The following THEMIS variants were observed in gnomAD, a reference collection of about 807,000 sequenced individuals.
THEMIS encodes protein THEMIS.
Under a neutral mutation model 52.6 loss-of-function variants are expected in THEMIS, and 37 were observed. That is an observed-to-expected ratio of 0.70 (90% confidence interval 0.54 to 0.93). The LOEUF (loss-of-function observed/expected upper bound fraction) is 0.93. Ranked by LOEUF, THEMIS falls within the 40% of genes least tolerant of loss-of-function variation. THEMIS has a pLI of 0.00. For synonymous variants in THEMIS, 292 were observed against 272.7 expected, an observed-to-expected ratio of 1.07 and a Z score of -0.70; for missense variants, 808 against 763.1, an observed-to-expected ratio of 1.06 and a Z score of -0.69.
At chr6:127,841,949 T>A (rs1265905469) in intron 2 of THEMIS, among the ~76,000 whole-genome samples, 1 of 152,022 alleles carries the variant, frequency 6.6e-6, no homozygotes, top group Non-Finnish European at 1.5e-5. Context: ...AAATAGCCCC[T>A]GATTCCTTGG....
intron 3 of THEMIS, among the ~76,000 whole-genome samples, chr6:127,828,044 T>G (rs1014302224): frequency 3.3e-5 from 5 of 152,124 alleles, no homozygotes; most frequent in African/African-American, 1.2e-4. Flanking sequence ...TTCTCCAACC[T>G]TGTTCCTTTC....
intron 4 of THEMIS, among the ~76,000 whole-genome samples, chr6:127,731,864 A>AATTTTTT: frequency 2.4e-5 from 1 of 41,704 alleles, no homozygotes; most frequent in Non-Finnish European, 3.8e-5. Context: ...TGCCCGGCTA[A>AATTTTTT]TTTTTTTTTT....
At chr6:127,842,543 C>T (rs1435573458) in intron 2 of THEMIS, among the ~76,000 whole-genome samples, 1 of 151,862 alleles carries the variant, frequency 6.6e-6, no homozygotes, top group Non-Finnish European at 1.5e-5. Flanking sequence ...AGTCTTACGG[C>T]TTAAGGGATA....
rs778212928 is a variant in THEMIS, at chr6:127,899,921, AT to A, written c.91+920del. Among the ~76,000 whole-genome samples, 85 of 144,202 alleles carry A rather than the reference AT, an allele frequency of 5.9e-4. No individual in the cohort carries two copies. The East Asian group carries it at 8.0e-3, about 14-fold the overall frequency. The allele number at this position is 144,202 out of a possible 152,430, so 94.6% of individuals were successfully genotyped here. A position where few individuals can be genotyped will look rare whatever the true frequency, so the allele number is the denominator to read the frequency against. ...GTATATTTTATATATATATATATAT[AT>A]ATAATATATATAAAAACTGGAGCTG... On this transcript the variant is annotated intron_variant, in intron 1 of 5. Transcript: ENST00000368248.
chr6:127,729,257 T>G (rs1446747154), intron 4 of THEMIS, among the ~76,000 whole-genome samples: 1 of 150,194 alleles, frequency 6.7e-6, no homozygotes, highest in Non-Finnish European at 1.5e-5. Context: ...AAAAAAAAAC[T>G]TGAAATTTTC....
At chr6:127,838,901 C>T (rs1341835375) in intron 2 of THEMIS, among the ~76,000 whole-genome samples, 1 of 152,086 alleles carries the variant, frequency 6.6e-6, no homozygotes, top group African/African-American at 2.4e-5. Context: ...TCTATAACAA[C>T]TAGTACCACT....
At chr6:127,895,808 A>G (rs1780947541) in intron 1 of THEMIS, among the ~76,000 whole-genome samples, 1 of 151,496 alleles carries the variant, frequency 6.6e-6, no homozygotes, top group African/African-American at 2.4e-5. Context: ...CGATAACACC[A>G]AAGTTACATA....
At chr6:127,810,112 A>G (rs571942071) in intron 4 of THEMIS, among the ~76,000 whole-genome samples, 2 of 152,108 alleles carry the variant, frequency 1.3e-5, no homozygotes, top group Non-Finnish European at 2.9e-5. Flanking sequence ...TCTAGGCGTA[A>G]TGTTGTTCTG....
At chr6:127,730,472 A>C (rs1372106914) in intron 4 of THEMIS, among the ~76,000 whole-genome samples, 1 of 151,166 alleles carries the variant, frequency 6.6e-6, no homozygotes, top group East Asian at 1.9e-4. Context: ...AAAGAGAAAG[A>C]GACAGAAAGA....
At chr6:127,787,946 C>A (rs1777031397) in intron 4 of THEMIS, among the ~76,000 whole-genome samples, 1 of 151,534 alleles carries the variant, frequency 6.6e-6, no homozygotes, top group South Asian at 2.1e-4. Context: ...GTAATAAACA[C>A]AAAGTGTCTA....
intron 4 of THEMIS, among the ~76,000 whole-genome samples, chr6:127,766,001 A>T (rs1238502645): frequency 1.3e-5 from 2 of 152,188 alleles, no homozygotes; most frequent in South Asian, 4.1e-4. Context: ...AACCTAGAGC[A>T]ATACTTTATT....
intron 2 of THEMIS, among the ~76,000 whole-genome samples, chr6:127,834,240 A>T (rs1429210730): frequency 6.6e-6 from 1 of 152,064 alleles, no homozygotes; most frequent in African/African-American, 2.4e-5. Context: ...ACTAAGTGAG[A>T]CTATAGAATG....
chr6:127,815,209 T>C (rs1778084953), intron 3 of THEMIS, among the ~76,000 whole-genome samples: 1 of 151,978 alleles, frequency 6.6e-6, no homozygotes, highest in South Asian at 2.1e-4. Context: ...CAGGGTATTA[T>C]AATAGTCTAT....
At chr6:127,799,511 ATCTTTCTTTCTTTCTTTCTCTT>A (rs1562264616) in intron 4 of THEMIS, among the ~76,000 whole-genome samples, 1 of 151,430 alleles carries the variant, frequency 6.6e-6, no homozygotes, top group Non-Finnish European at 1.5e-5. Flanking sequence ...CCCATTGGTA[ATCTTTCTTTCTTTCTTTCTCTT>A]TCTTTCTTTC....
Position 127,841,242 on chromosome 6 carries a change from T to C in THEMIS, c.251-11308A>G, listed in dbSNP as rs553414951. On this transcript the variant is annotated intron_variant, in intron 2 of 5. Coordinates refer to ENST00000368248, the MANE Select transcript of THEMIS (RefSeq NM_001010923.3). ...TAGGGAAACTCTGCTTGCATTCCAG[T>C]GGCAAAACCTCTAAATCCCCAAAAT... 5.3e-5 allele frequency among the ~76,000 whole-genome samples: 8 copies of C among 152,102 alleles called. No individual in the cohort carries two copies. The South Asian group carries it at 1.5e-3, about 28-fold the overall frequency.
intron 1 of THEMIS, among the ~76,000 whole-genome samples, chr6:127,915,850 G>A (rs964998156): frequency 1.3e-5 from 2 of 152,112 alleles, no homozygotes; most frequent in African/African-American, 4.8e-5. Flanking sequence ...AGTCAGGCGT[G>A]GTGGCACACG....
chr6:127,722,023 G>A (rs901163136), intron 4 of THEMIS, among the ~76,000 whole-genome samples: 6 of 152,024 alleles, frequency 3.9e-5, no homozygotes, highest in African/African-American at 1.4e-4. Flanking sequence ...GTGAAAACCT[G>A]AGAGAGAAAA....
chr6:127,818,062 A>G (rs563270884), intron 3 of THEMIS, among the ~76,000 whole-genome samples: 118 of 152,298 alleles, frequency 7.7e-4, no homozygotes, highest in African/African-American at 2.5e-3. Context: ...ACTAACTATC[A>G]TGGGGGAAGG....
chr6:127,704,054 G>C (rs548376464), downstream of THEMIS, among the ~76,000 whole-genome samples: 3 of 152,120 alleles, frequency 2.0e-5, no homozygotes, highest in Non-Finnish European at 2.9e-5. Flanking sequence ...CCTGAGAATA[G>C]AGCCATCATG....
Sources: gnomAD v4.1 joint callset for allele counts (sites outside exome capture counted in the v4.1 genomes callset) on GRCh38, gnomAD v4.1.1 for gene constraint, MANE v1.5 for transcripts, NCBI Gene and HGNC (gene_info 2026-07-23, HGNC 2026-07-21) for gene names.